Variants in PLXDC2 observed in about 807,000 individuals in gnomAD.
PLXDC2 encodes plexin domain-containing protein 2.
Under a neutral mutation model 68.9 loss-of-function variants are expected in PLXDC2, and 40 were observed. That is an observed-to-expected ratio of 0.58 (90% confidence interval 0.45 to 0.76). The LOEUF (loss-of-function observed/expected upper bound fraction) is 0.76. Ranked by LOEUF, PLXDC2 falls within the 30% of genes least tolerant of loss-of-function variation. The pLI is 0.00. For missense variants in PLXDC2, 644 were observed against 661.9 expected (o/e 0.97, Z 0.30); for synonymous variants, 243 against 234.2 (o/e 1.04, Z -0.34).
chr10:20,072,131 G>A (rs1836327731), intron 4 of PLXDC2, among the ~76,000 whole-genome samples: 1 of 151,922 alleles, frequency 6.6e-6, no homozygotes, highest in East Asian at 1.9e-4. Context: ...CGGATCACCT[G>A]AGGTCCAGAG....
intron 1 of PLXDC2, among the ~76,000 whole-genome samples, chr10:19,873,246 G>T (rs1837573715): frequency 6.6e-6 from 1 of 152,064 alleles, no homozygotes; most frequent in Admixed American, 6.6e-5. Context: ...CTCTTCTATG[G>T]GATGCTGGCT....
intron 1 of PLXDC2, among the ~76,000 whole-genome samples, chr10:19,962,296 T>C (rs1053370880): frequency 6.8e-6 from 1 of 148,014 alleles, no homozygotes; most frequent in Non-Finnish European, 1.5e-5. Flanking sequence ...GATTCTATCT[T>C]ACAACAGTAA....
At chr10:19,920,364 C>A (rs1357226687) in intron 1 of PLXDC2, among the ~76,000 whole-genome samples, 1 of 152,214 alleles carries the variant, frequency 6.6e-6, no homozygotes, top group Non-Finnish European at 1.5e-5. Flanking sequence ...CTGCCACACC[C>A]CCATCCTGTG....
chr10:19,904,350 G>C, intron 1 of PLXDC2, among the ~76,000 whole-genome samples: 1 of 151,982 alleles, frequency 6.6e-6, no homozygotes, highest in Admixed American at 6.6e-5. Context: ...ATTACTACTA[G>C]ATTATGGTTG....
In PLXDC2 at chr10:20,259,931, T is replaced by TA. The variant is rs1228823153; in HGVS notation, c.1473+14433dup. Among the ~76,000 whole-genome samples, 4 of 151,520 alleles carry TA rather than the reference T, an allele frequency of 2.6e-5. No individual in the cohort carries two copies. In the East Asian group the frequency reaches 5.8e-4, roughly 22 times the overall value. The stretch of plus-strand genomic sequence containing the variant: ...GTAGGATAGGGACAACAGAGATAAA[T>TA]AAAAAAAGGAAGAAGATTCCTATAA... On this transcript the variant is annotated intron_variant, in intron 13 of 13. Transcript: ENST00000377252.
rs186924548 is a variant in PLXDC2 at position 20,276,867 on chromosome 10, G to A, written c.1474-2836G>A. On this transcript the variant is annotated intron_variant, in intron 13 of 13. Transcript: ENST00000377252. Reference sequence around the variant, plus strand: ...GATCCTTCCATCCAAGCCCTTCCCCGTACTCTGGGTAGGTGGCTCCTATTA... The same window carrying A: ...GATCCTTCCATCCAAGCCCTTCCCCATACTCTGGGTAGGTGGCTCCTATTA... 5.3e-5 allele frequency among the ~76,000 whole-genome samples: 8 copies of A among 152,212 alleles called. No individual in the cohort carries two copies. The South Asian group carries it at 8.3e-4, about 16-fold the overall frequency.
At chr10:19,958,020 G>T (rs989148729) in intron 1 of PLXDC2, among the ~76,000 whole-genome samples, 8 of 151,890 alleles carry the variant, frequency 5.3e-5, no homozygotes, top group Admixed American at 5.2e-4. Context: ...GTCTGACTTA[G>T]ATCTGCATAT....
chr10:20,135,126 T>C (rs1833917981), intron 4 of PLXDC2, among the ~76,000 whole-genome samples: 1 of 152,232 alleles, frequency 6.6e-6, no homozygotes, highest in South Asian at 2.1e-4. Context: ...TATAAATTGA[T>C]TTTCTGAGAG....
chr10:19,840,659 A>G (rs1836887326), intron 1 of PLXDC2, among the ~76,000 whole-genome samples: 1 of 152,152 alleles, frequency 6.6e-6, no homozygotes, highest in East Asian at 1.9e-4. Context: ...TATTTCATCA[A>G]GGAACTTCTA....
intron 1 of PLXDC2, among the ~76,000 whole-genome samples, chr10:19,920,271 C>T (rs984177309): frequency 1.3e-5 from 2 of 152,148 alleles, no homozygotes; most frequent in African/African-American, 2.4e-5. Context: ...GGTGTGGTCC[C>T]TGGCTAGGGC....
intron 1 of PLXDC2, among the ~76,000 whole-genome samples, chr10:19,817,972 G>T (rs1169960536): frequency 6.6e-6 from 1 of 152,130 alleles, no homozygotes; most frequent in Non-Finnish European, 1.5e-5. Context: ...GCGCCCCGGG[G>T]GCTATCGCCG....
At chr10:19,986,318 G>A (rs1834638827) in intron 1 of PLXDC2, among the ~76,000 whole-genome samples, 1 of 152,068 alleles carries the variant, frequency 6.6e-6, no homozygotes, top group Non-Finnish European at 1.5e-5. Flanking sequence ...TCCAAGCTTA[G>A]AAACTGGAAT....
At chr10:20,026,866 A>AAT (rs1207880652) in intron 2 of PLXDC2, among the ~76,000 whole-genome samples, 144 of 145,020 alleles carry the variant, frequency 9.9e-4, no homozygotes, top group African/African-American at 2.5e-3. Flanking sequence ...TAATATATAG[A>AAT]ATACACTTTT....
intron 1 of PLXDC2, among the ~76,000 whole-genome samples, chr10:19,825,545 GT>G (rs1226486320): frequency 6.6e-6 from 1 of 152,084 alleles, no homozygotes; most frequent in African/African-American, 2.4e-5. Context: ...TTGGGTAGTA[GT>G]TACAGATATC....
At chr10:19,924,798 A>G (rs1251158925) in intron 1 of PLXDC2, among the ~76,000 whole-genome samples, 1 of 152,196 alleles carries the variant, frequency 6.6e-6, no homozygotes, top group Non-Finnish European at 1.5e-5. Context: ...CCACATTTAT[A>G]AAATAGATAT....
At chr10:19,898,227 CACATGTGCAGGCTTGTT>C (rs1174027618) in intron 1 of PLXDC2, among the ~76,000 whole-genome samples, 1 of 152,036 alleles carries the variant, frequency 6.6e-6, no homozygotes, top group Non-Finnish European at 1.5e-5. Flanking sequence ...ATTCAGGTGG[CACATGTGCAGGCTTGTT>C]ACTAGAGTAT....
intron 1 of PLXDC2, among the ~76,000 whole-genome samples, chr10:19,867,819 T>C (rs2131340229): frequency 6.6e-6 from 1 of 152,236 alleles, no homozygotes; most frequent in East Asian, 1.9e-4. Context: ...CCTTGGAAAC[T>C]GCAGAAAAAA....
intron 1 of PLXDC2, among the ~76,000 whole-genome samples, chr10:19,994,026 C>CT (rs1564650437): frequency 6.6e-6 from 1 of 152,042 alleles, no homozygotes; most frequent in East Asian, 1.9e-4. Context: ...TAAAATTGTT[C>CT]TTTTTTTCAT....
At chr10:19,986,565 AC>A (rs1163833346) in intron 1 of PLXDC2, among the ~76,000 whole-genome samples, 107 of 51,786 alleles carry the variant, frequency 2.1e-3, no homozygotes, top group African/African-American at 4.8e-3. Flanking sequence ...AAAGAAAAAG[AC>A]ATACAAAAAG....
Sources: allele counts gnomAD v4.1 joint callset (sites outside exome capture counted in the v4.1 genomes callset), GRCh38; gene constraint gnomAD v4.1.1; transcripts MANE v1.5; gene names NCBI Gene and HGNC (gene_info 2026-07-23, HGNC 2026-07-21).